ROBO2: variants seen among roughly 807,000 people sequenced by gnomAD.
The protein encoded by ROBO2 is roundabout guidance receptor 2, also known as roundabout homolog 2.
A neutral mutation model predicts 160.8 loss-of-function variants in ROBO2; 53 were observed. That is an observed-to-expected ratio of 0.33 (90% CI 0.26 to 0.41). ROBO2 has a LOEUF of 0.41. Ranked by LOEUF, ROBO2 falls within the 10% of genes least tolerant of loss-of-function variation. ROBO2 has a pLI of 1.00. For synonymous variants in ROBO2, 664 were observed against 611.7 expected (o/e 1.09, Z -1.26); for missense variants, 1,577 against 1,722.4 (o/e 0.92, Z 1.49).
intron 1 of ROBO2, among the ~76,000 whole-genome samples, chr3:77,070,304 T>G (rs1345459843): frequency 6.6e-6 from 1 of 152,196 alleles, no homozygotes; most frequent in Non-Finnish European, 1.5e-5. Context: ...AGGAAACTAA[T>G]GCATCTTCCT....
intron 2 of ROBO2, among the ~76,000 whole-genome samples, chr3:76,763,145 C>T (rs554102951): frequency 3.5e-4 from 53 of 150,170 alleles, no homozygotes; most frequent in Middle Eastern, 3.4e-3. Context: ...ATCTTTAATG[C>T]GTGAACATTC....
At chr3:77,440,827 T>C (rs974413473) in intron 2 of ROBO2, among the ~76,000 whole-genome samples, 1 of 152,126 alleles carries the variant, frequency 6.6e-6, no homozygotes, top group African/African-American at 2.4e-5. Flanking sequence ...AGAATTGACC[T>C]GGTTGTGGAA....
At chr3:76,882,474 A>C (rs903439135) in intron 2 of ROBO2, among the ~76,000 whole-genome samples, 1 of 151,974 alleles carries the variant, frequency 6.6e-6, no homozygotes, top group Non-Finnish European at 1.5e-5. Context: ...TCCCCGCCCT[A>C]TATTACAAAT....
At chr3:76,762,312 T>A (rs894768174) in intron 2 of ROBO2, among the ~76,000 whole-genome samples, 3 of 151,630 alleles carry the variant, frequency 2.0e-5, no homozygotes, top group Non-Finnish European at 3.0e-5. Flanking sequence ...GATTTTTGAT[T>A]TGTCAAGTAA....
chr3:76,818,370 G>A (rs1025192225), intron 2 of ROBO2, among the ~76,000 whole-genome samples: 1 of 151,396 alleles, frequency 6.6e-6, no homozygotes, highest in Admixed American at 6.6e-5. Context: ...ATTTGTTTGT[G>A]TTTTTTTGTA....
At chr3:77,311,055 C>G (rs1023698352) in intron 2 of ROBO2, among the ~76,000 whole-genome samples, 1 of 152,074 alleles carries the variant, frequency 6.6e-6, no homozygotes, top group Non-Finnish European at 1.5e-5. Flanking sequence ...AATTTATTTT[C>G]TGGCTCATTT....
chr3:77,028,536 T>G (rs1326343381), intron 2 of ROBO2, among the ~76,000 whole-genome samples: 1 of 151,854 alleles, frequency 6.6e-6, no homozygotes, highest in Non-Finnish European at 1.5e-5. Flanking sequence ...ACCAACATGG[T>G]GAAACCCTGT....
intron 2 of ROBO2, among the ~76,000 whole-genome samples, chr3:76,077,493 A>G (rs1383310318): frequency 3.3e-5 from 5 of 152,176 alleles, no homozygotes; most frequent in Admixed American, 6.5e-5. Context: ...AACTCTGGAG[A>G]TGGAGGTTGC....
intron 21 of ROBO2, among the ~76,000 whole-genome samples, chr3:77,612,169 A>G (rs1218720255): frequency 6.6e-6 from 1 of 152,208 alleles, no homozygotes; most frequent in Non-Finnish European, 1.5e-5. Flanking sequence ...AAGGTTGACC[A>G]AAAGATCTTT....
chr3:77,360,456 TGTCA>T (rs945578683), intron 2 of ROBO2, among the ~76,000 whole-genome samples: 2 of 152,158 alleles, frequency 1.3e-5, no homozygotes, highest in East Asian at 1.9e-4. Context: ...CAATGAACTT[TGTCA>T]GTCAGTATCT....
intron 2 of ROBO2, among the ~76,000 whole-genome samples, chr3:76,655,896 T>C (rs1229929194): frequency 6.6e-6 from 1 of 152,102 alleles, no homozygotes; most frequent in East Asian, 1.9e-4. Context: ...ATTTTTATTG[T>C]ATGACATTAT....
At chr3:77,317,368 G>T in intron 2 of ROBO2, 1 of 934,646 alleles carries the variant, frequency 1.1e-6, no homozygotes, top group Non-Finnish European at 1.7e-6. Flanking sequence ...TCGGTGCCTA[G>T]TGTATTGTCG....
At chr3:76,203,223 C>T (rs149055979) in intron 2 of ROBO2, among the ~76,000 whole-genome samples, 2,065 of 152,294 alleles carry the variant, frequency 0.014, 24 homozygotes, top group Non-Finnish European at 0.022. Context: ...GATACGGACT[C>T]CATCAATGGC....
intron 2 of ROBO2, among the ~76,000 whole-genome samples, chr3:76,115,277 C>T (rs919887640): frequency 3.3e-5 from 5 of 152,026 alleles, no homozygotes; most frequent in African/African-American, 7.2e-5. Flanking sequence ...GGCACCAATT[C>T]GAATTAAAAA....
intron 2 of ROBO2, among the ~76,000 whole-genome samples, chr3:77,388,191 G>C (rs1315084432): frequency 1.3e-5 from 2 of 151,056 alleles, no homozygotes; most frequent in Admixed American, 1.3e-4. Context: ...TTTTGTAAAG[G>C]TACTATTTTG....
At chr3:76,019,516 T>C (rs1374180816) in intron 2 of ROBO2, among the ~76,000 whole-genome samples, 2 of 151,954 alleles carry the variant, frequency 1.3e-5, no homozygotes, top group African/African-American at 4.8e-5. Flanking sequence ...ATTTGCATTA[T>C]GGCCTCCCCA....
chr3:76,449,168 C>A (rs2077348038), intron 2 of ROBO2, among the ~76,000 whole-genome samples: 1 of 151,920 alleles, frequency 6.6e-6, no homozygotes, highest in African/African-American at 2.4e-5. Context: ...TTTGATCTTA[C>A]CAAATATATG....
At chr3:76,969,320 T>C (rs1322337523) in intron 2 of ROBO2, among the ~76,000 whole-genome samples, 1 of 152,204 alleles carries the variant, frequency 6.6e-6, no homozygotes, top group Non-Finnish European at 1.5e-5. Context: ...TGTGTGACTA[T>C]GGCTTCTCTC....
chr3:77,288,436 G>T (rs1030768621), intron 2 of ROBO2, among the ~76,000 whole-genome samples: 1 of 152,154 alleles, frequency 6.6e-6, no homozygotes, highest in Non-Finnish European at 1.5e-5. Flanking sequence ...CATGTAGCTG[G>T]AAAGGAGACT....
Sources: allele counts gnomAD v4.1 joint callset (sites outside exome capture counted in the v4.1 genomes callset), GRCh38; gene constraint gnomAD v4.1.1; transcripts MANE v1.5; gene names NCBI Gene and HGNC (gene_info 2026-07-23, HGNC 2026-07-21).